ADAMTS17: variants seen among roughly 807,000 people sequenced by gnomAD.
ADAMTS17 encodes A disintegrin and metalloproteinase with thrombospondin motifs 17.
ADAMTS17 carries 113 observed loss-of-function variants against 141.5 expected under a neutral mutation model. The observed-to-expected ratio is 0.80, with a 90% confidence interval of 0.69 to 0.93. The LOEUF (loss-of-function observed/expected upper bound fraction) is 0.93. Ranked by LOEUF, ADAMTS17 falls within the 40% of genes least tolerant of loss-of-function variation. The probability of loss-of-function intolerance (pLI) is 0.00; values close to 1 mark genes in which losing one functional copy is unlikely to be tolerated. For synonymous variants in ADAMTS17, 768 were observed against 630.6 expected, an observed-to-expected ratio of 1.22 and a Z score of -3.27; for missense variants, 1,659 against 1,517.9, an observed-to-expected ratio of 1.09 and a Z score of -1.54.
chr15:100,139,874 G>C (rs901164174), intron 10 of ADAMTS17, among the ~76,000 whole-genome samples: 4 of 152,208 alleles, frequency 2.6e-5, no homozygotes, highest in African/African-American at 9.6e-5. Flanking sequence ...CTGGTATACA[G>C]AAAGGACATT....
At chr15:100,101,043 C>T (rs140742581) in intron 14 of ADAMTS17, among the ~76,000 whole-genome samples, 1 of 152,208 alleles carries the variant, frequency 6.6e-6, no homozygotes, top group Non-Finnish European at 1.5e-5. Context: ...CTTCACTCCT[C>T]TGCATCAATT....
intron 18 of ADAMTS17, among the ~76,000 whole-genome samples, chr15:100,047,092 G>A (rs897219638): frequency 1.3e-5 from 2 of 151,908 alleles, no homozygotes; most frequent in African/African-American, 4.8e-5. Flanking sequence ...CCTGGGTGTG[G>A]CCGTCTTCTA....
intron 20 of ADAMTS17, among the ~76,000 whole-genome samples, chr15:99,987,342 G>A (rs1311966882): frequency 2.0e-5 from 3 of 152,154 alleles, no homozygotes; most frequent in African/African-American, 7.2e-5. Flanking sequence ...CTGCTGCGGT[G>A]TTTGCCTCCC....
intron 7 of ADAMTS17, among the ~76,000 whole-genome samples, chr15:100,217,244 T>A (rs936566563): frequency 1.3e-5 from 2 of 152,184 alleles, no homozygotes; most frequent in Non-Finnish European, 2.9e-5. Flanking sequence ...GATATCCATA[T>A]GCAAGAAAAT....
intron 3 of ADAMTS17, among the ~76,000 whole-genome samples, chr15:100,294,997 C>A (rs2044761007): frequency 6.6e-6 from 1 of 152,196 alleles, no homozygotes; most frequent in Non-Finnish European, 1.5e-5. Context: ...TGTCCCTCTG[C>A]CTCCTGCCCC....
intron 7 of ADAMTS17, among the ~76,000 whole-genome samples, chr15:100,211,118 A>ATAAG (rs2041790793): frequency 6.7e-6 from 1 of 148,384 alleles, no homozygotes; most frequent in Admixed American, 6.7e-5. Context: ...AAATAAATAA[A>ATAAG]TAAATAAATA....
intron 2 of ADAMTS17, among the ~76,000 whole-genome samples, chr15:100,333,659 C>T (rs113736899): frequency 2.6e-5 from 4 of 152,206 alleles, no homozygotes; most frequent in Admixed American, 1.3e-4. Flanking sequence ...TTCTGGCCCA[C>T]GACTGCGCGT....
At chr15:100,316,513 G>A (rs1328744254) in intron 3 of ADAMTS17, among the ~76,000 whole-genome samples, 3 of 152,030 alleles carry the variant, frequency 2.0e-5, no homozygotes, top group African/African-American at 2.4e-5. Flanking sequence ...CTCCCCTTCC[G>A]GTGGATTTTC....
intron 18 of ADAMTS17, among the ~76,000 whole-genome samples, chr15:100,023,439 T>C (rs1332555237): frequency 6.6e-6 from 1 of 151,992 alleles, no homozygotes; most frequent in East Asian, 1.9e-4. Flanking sequence ...CTCCTGACCT[T>C]AGGTGATCTG....
intron 10 of ADAMTS17, among the ~76,000 whole-genome samples, chr15:100,151,185 G>C (rs757659228): frequency 2.6e-5 from 4 of 152,176 alleles, no homozygotes; most frequent in Admixed American, 6.5e-5. Flanking sequence ...CTTCCCACTG[G>C]TCTCTGGAGG....
intron 15 of ADAMTS17, among the ~76,000 whole-genome samples, chr15:100,055,323 G>A (rs1165723495): frequency 6.6e-6 from 1 of 152,332 alleles, no homozygotes; most frequent in South Asian, 2.1e-4. Flanking sequence ...AAACCCAAAA[G>A]GGGTTTTGGT....
Position 99,993,510 on chromosome 15 carries a change from A to G in ADAMTS17, c.2797-310T>C, listed in dbSNP as rs532781891. On this transcript the variant is annotated intron_variant, in intron 19 of 21. Transcript: ENST00000268070. The surrounding 1 kb of genome is among the most constrained non-coding windows in gnomAD (Gnocchi z 4.3). Reference sequence around the variant, plus strand: ...CTTGTCGGGTCCAAAAGCTCAAGGCAATACGTGAGCTCGAAGGGCAGGTGT... The same window carrying G: ...CTTGTCGGGTCCAAAAGCTCAAGGCGATACGTGAGCTCGAAGGGCAGGTGT... 4.6e-5 allele frequency among the ~76,000 whole-genome samples: 7 copies of G among 152,236 alleles called. No individual in the cohort carries two copies. Among genetic ancestry groups the G allele is most frequent in the Admixed American group, 2.0e-4 (3 of 15,296 alleles).
intron 8 of ADAMTS17, among the ~76,000 whole-genome samples, chr15:100,160,684 C>G (rs920384572): frequency 6.6e-6 from 1 of 152,236 alleles, no homozygotes; most frequent in African/African-American, 2.4e-5. Flanking sequence ...GCGTTTCACT[C>G]TGCCGGCCGA....
chr15:100,110,323 GGC>G (rs909125115), intron 13 of ADAMTS17, among the ~76,000 whole-genome samples: 1 of 149,376 alleles, frequency 6.7e-6, no homozygotes, highest in African/African-American at 2.5e-5. Flanking sequence ...AGAGTGCAGT[GGC>G]GCGATCTCAG....
intron 20 of ADAMTS17, 150 bp from the exon 21 acceptor site, chr15:99,976,372 C>T (rs1467234294): frequency 2.0e-6 from 2 of 1,016,146 alleles, no homozygotes; most frequent in Non-Finnish European, 2.9e-6. Flanking sequence ...CAATGTGGCA[C>T]TGCGGAGACA....
chr15:100,042,454 C>T (rs980173615), intron 18 of ADAMTS17, among the ~76,000 whole-genome samples: 1 of 152,186 alleles, frequency 6.6e-6, no homozygotes, highest in Non-Finnish European at 1.5e-5. Context: ...TTTTTCTTCA[C>T]AATTTCATGG....
intron 18 of ADAMTS17, among the ~76,000 whole-genome samples, chr15:100,031,118 G>T (rs1221479546): frequency 6.6e-6 from 1 of 152,202 alleles, no homozygotes; most frequent in East Asian, 1.9e-4. Flanking sequence ...GCAAGATCAT[G>T]TAACTTGCCC....
At chr15:100,209,113 C>CAAAA (rs60742726) in intron 7 of ADAMTS17, among the ~76,000 whole-genome samples, 26,767 of 95,976 alleles carry the variant, frequency 0.28, 3,539 homozygotes, top group Middle Eastern at 0.37. Context: ...GCCAAGTTAG[C>CAAAA]AAAAAAAAAA....
chr15:100,003,076 G>A (rs2060961883), intron 18 of ADAMTS17, among the ~76,000 whole-genome samples: 1 of 152,012 alleles, frequency 6.6e-6, no homozygotes, highest in African/African-American at 2.4e-5. Context: ...TCATGTCCTG[G>A]GGCCCCTGGA....
Sources: allele counts gnomAD v4.1 joint callset (sites outside exome capture counted in the v4.1 genomes callset), GRCh38; gene constraint gnomAD v4.1.1; non-coding constraint Gnocchi (gnomAD v3.1); transcripts MANE v1.5; gene names NCBI Gene and HGNC (gene_info 2026-07-23, HGNC 2026-07-21).